The following PLXDC1 variants were observed in gnomAD, a reference collection of about 807,000 sequenced individuals.
PLXDC1 encodes plexin domain containing 1, also known as plexin domain-containing protein 1.
In PLXDC1, 39 loss-of-function variants were observed where a neutral mutation model predicts 61.3. The observed-to-expected ratio is 0.64, with a 90% CI of 0.49 to 0.83. The LOEUF is 0.83. Among genes scored for constraint, PLXDC1 ranks in the 40% least tolerant of loss-of-function variants. The pLI, the probability that PLXDC1 is intolerant of heterozygous loss-of-function variation, is 0.00. For synonymous variants in PLXDC1, 212 were observed against 254.5 expected, an observed-to-expected ratio of 0.83 and a Z score of 1.59; for missense variants, 596 against 666.5, an observed-to-expected ratio of 0.89 and a Z score of 1.17.
chr17:39,125,121 T>C (rs1192134558), intron 2 of PLXDC1, among the ~76,000 whole-genome samples: 1 of 152,182 alleles, frequency 6.6e-6, no homozygotes, highest in East Asian at 1.9e-4. Flanking sequence ...CCTTTTAATG[T>C]CCCCTGTTAT....
At chr17:39,091,312 AACAC>A (rs1189848895) in intron 7 of PLXDC1, among the ~76,000 whole-genome samples, 5 of 122,036 alleles carry the variant, frequency 4.1e-5, no homozygotes, top group Non-Finnish European at 7.3e-5. Flanking sequence ...ATCTCCCCGC[AACAC>A]ACACCCACTG....
chr17:39,085,280 T>C (rs1909701827), intron 8 of PLXDC1, among the ~76,000 whole-genome samples: 1 of 152,192 alleles, frequency 6.6e-6, no homozygotes, highest in South Asian at 2.1e-4. Context: ...TGTCCTTTTG[T>C]CTGCCGTGGT....
At chr17:39,069,250 T>C (rs755272192) in intron 13 of PLXDC1, among the ~76,000 whole-genome samples, 59 of 152,162 alleles carry the variant, frequency 3.9e-4, no homozygotes, top group Non-Finnish European at 6.5e-4. Flanking sequence ...GGACCACAGG[T>C]ACGTGCCACC....
chr17:39,139,798 G>C lies in PLXDC1; in HGVS notation c.111C>G (p.Ala37=). Residue 37 remains alanine (A), a synonymous_variant, in exon 2 of 14, where the codon GCC becomes GCG. Transcript: ENST00000315392. ...HDEGPGSGWA[A]KGTVRGWNRR... The stretch of plus-strand genomic sequence containing the variant: ...GGTTCCAGCCCCGCACGGTCCCTTT[G>C]GCAGCCCATCCAGAGCCTGGGCCCT... 1 of 1,612,856 alleles carries C rather than the reference G, an allele frequency of 6.2e-7. No homozygotes were observed. The highest frequency in any genetic ancestry group is 8.5e-7 in the Non-Finnish European group (1 of 1,179,412).
Position 39,139,828 on chromosome 17 carries a change from G to C in PLXDC1, c.81C>G (p.His27Gln), listed in dbSNP as rs751287120. 3 of 1,599,362 alleles carry C rather than the reference G, an allele frequency of 1.9e-6. No individual in the cohort carries two copies. Among genetic ancestry groups the C allele is most frequent in the Admixed American group, 1.7e-5 (1 of 58,876 alleles). Residue 27 changes from histidine to glutamine, a missense_variant, in exon 2 of 14, where the codon CAC (histidine) becomes CAG (glutamine). Physicochemically the swap from His to Gln is conservative, Grantham distance 24 (BLOSUM62 0). Transcript: ENST00000315392. ...CCCATCCAGAGCCTGGGCCCTCATC[G>C]TGACCTGGGAGAAGGGGACAGAAAC... ...RALSPQPGAG[H>Q]DEGPGSGWAA...
chr17:39,134,764 C>T (rs943331638), intron 2 of PLXDC1, among the ~76,000 whole-genome samples: 3 of 152,152 alleles, frequency 2.0e-5, no homozygotes, highest in African/African-American at 7.2e-5. Context: ...GTGCAAGCCT[C>T]TTCACCACCC....
chr17:39,129,769 G>GAGAA (rs750540873), intron 2 of PLXDC1, among the ~76,000 whole-genome samples: 8 of 82,584 alleles, frequency 9.7e-5, no homozygotes, highest in Non-Finnish European at 1.5e-4. Context: ...GAAAGAAAGA[G>GAGAA]AGAAAGAAAA....
At chr17:39,127,944 A>C (rs1431928534) in intron 2 of PLXDC1, among the ~76,000 whole-genome samples, 1 of 48,396 alleles carries the variant, frequency 2.1e-5, no homozygotes, top group Non-Finnish European at 4.0e-5. Flanking sequence ...TCCATCTCAC[A>C]AAAAAAAAAA....
chr17:39,107,367 G>A, intron 6 of PLXDC1, 40 bp downstream of exon 6: 1 of 1,192,704 alleles, frequency 8.4e-7, no homozygotes, highest in Non-Finnish European at 1.2e-6. Context: ...ATGAAGAAAG[G>A]CTCCAAGACC....
intron 11 of PLXDC1, 59 bp from the exon 12 acceptor site, chr17:39,072,544 TC>T: frequency 9.3e-7 from 1 of 1,080,682 alleles, no homozygotes; most frequent in Non-Finnish European, 1.4e-6. Flanking sequence ...CCTTTGTCAC[TC>T]TGAGTCCAGA....
intron 2 of PLXDC1, among the ~76,000 whole-genome samples, chr17:39,116,451 G>C (rs759870996): frequency 6.6e-6 from 1 of 152,198 alleles, no homozygotes; most frequent in African/African-American, 2.4e-5. Context: ...TGTCAAGACT[G>C]TGCTGAGAAT....
intron 1 of PLXDC1, among the ~76,000 whole-genome samples, chr17:39,149,907 C>T (rs1469955584): frequency 6.6e-6 from 1 of 152,200 alleles, no homozygotes; most frequent in African/African-American, 2.4e-5. Context: ...ACATATCCAA[C>T]TCTCTCCTGT....
At chr17:39,098,870 G>A (rs1477503477) in intron 7 of PLXDC1, among the ~76,000 whole-genome samples, 3 of 152,168 alleles carry the variant, frequency 2.0e-5, no homozygotes, top group African/African-American at 7.2e-5. Context: ...GGCAGAGGGC[G>A]GTGAGCGGAG....
At chr17:39,115,606 G>A (rs1170116791) in intron 2 of PLXDC1, among the ~76,000 whole-genome samples, 3 of 152,212 alleles carry the variant, frequency 2.0e-5, no homozygotes, top group Non-Finnish European at 4.4e-5. Flanking sequence ...CTGGAGGGAG[G>A]GGGCGACTTG....
At chr17:39,129,446 G>A (rs1372277328) in intron 2 of PLXDC1, among the ~76,000 whole-genome samples, 1 of 151,242 alleles carries the variant, frequency 6.6e-6, no homozygotes, top group Non-Finnish European at 1.5e-5. Flanking sequence ...GTGAAACACC[G>A]TCTCTCCTAA....
At chr17:39,128,088 T>TATGTGTATATATATATATATATATA (rs1213213801) in intron 2 of PLXDC1, among the ~76,000 whole-genome samples, 3 of 104,680 alleles carry the variant, frequency 2.9e-5, no homozygotes, top group East Asian at 5.2e-4. Flanking sequence ...TCTCTCTCTC[T>TATGTGTATATATATATATATATATA]CTCTATGTGT....
At chr17:39,147,577 T>G (rs1284623145) in intron 1 of PLXDC1, among the ~76,000 whole-genome samples, 1 of 149,830 alleles carries the variant, frequency 6.7e-6, no homozygotes, top group Non-Finnish European at 1.5e-5. Flanking sequence ...CTCTGGCAGG[T>G]AGGGACCCAC....
chr17:39,151,450 G>T lies in PLXDC1; in HGVS notation c.-13C>A. ...GCTCGCCTCGCATGGTGGGTGCCCG[G>T]ACCTGCCCCCGGCCTGCTTGCTGCC... On this transcript the variant is annotated 5_prime_UTR_variant, in exon 1 of 14. Transcript: ENST00000315392. The surrounding 1 kb of genome is among the most constrained non-coding windows in gnomAD (Gnocchi z 5.2). 1.6e-6 allele frequency: 2 copies of T among 1,262,828 alleles called. No homozygotes were observed. The highest frequency in any genetic ancestry group is 5.9e-5 in the South Asian group (2 of 33,966). 78.2% of individuals were successfully genotyped at this position (1,262,828 alleles called of 1,614,324 possible).
chr17:39,124,129 G>A (rs1255318189), intron 2 of PLXDC1, among the ~76,000 whole-genome samples: 2 of 152,132 alleles, frequency 1.3e-5, no homozygotes, highest in Admixed American at 1.3e-4. Flanking sequence ...CTGGGAGCCC[G>A]TTAGAAATTC....
Sources: allele counts gnomAD v4.1 joint callset (sites outside exome capture counted in the v4.1 genomes callset), GRCh38; gene constraint gnomAD v4.1.1; non-coding constraint Gnocchi (gnomAD v3.1); transcripts MANE v1.5; gene names NCBI Gene and HGNC (gene_info 2026-07-23, HGNC 2026-07-21).